AGTPBP1: variants seen among roughly 807,000 people sequenced by gnomAD.
The protein encoded by AGTPBP1 is ATP/GTP binding carboxypeptidase 1, also known as cytosolic carboxypeptidase 1.
A neutral mutation model predicts 143.9 loss-of-function variants in AGTPBP1; 70 were observed. The ratio of observed to expected loss-of-function variants is 0.49; its 90% CI spans 0.40 to 0.59. The LOEUF is 0.59. Ranked by LOEUF, AGTPBP1 falls within the 20% of genes least tolerant of loss-of-function variation. The pLI is 0.00. For synonymous variants in AGTPBP1, 463 were observed against 500.2 expected, an observed-to-expected ratio of 0.93 and a Z score of 0.99; for missense variants, 1,229 against 1,464.5, an observed-to-expected ratio of 0.84 and a Z score of 2.62.
intron 2 of AGTPBP1, among the ~76,000 whole-genome samples, chr9:85,693,635 T>C (rs1836028765): frequency 1.3e-5 from 2 of 152,044 alleles, no homozygotes; most frequent in Admixed American, 1.3e-4. Context: ...GGTACTGATC[T>C]AGGTGTTGTC....
rs933067997 is a variant in AGTPBP1 at position 85,677,579 on chromosome 9, C to G, written c.293G>C (p.Gly98Ala). The change falls in exon 6 of 26, where the codon GGA (glycine) becomes GCA (alanine). Residue 98 changes from glycine (G) to alanine (A), a missense_variant. Gly to Ala is a moderately conservative substitution (Grantham distance 60). Around this residue, in one of 2 missense-constraint regions of AGTPBP1, gnomAD observed 743 missense variants for 812.2 expected, o/e 0.91. Coordinates refer to ENST00000357081, the MANE Select transcript of AGTPBP1 (RefSeq NM_001330701.2). ...SILVELVSAG[G>A]GRRVSFLVTK... is the part of the protein sequence containing the mutation. ...GACTAAGAAACTCACTCTTCGACCT[C>G]CACCTAAAAATTAAAAAAAAAAAAA... The G allele has an allele frequency of 6.6e-7, 1 of 1,506,232 alleles. No individual in the cohort carries two copies. The highest frequency in any genetic ancestry group is 8.8e-7 in the Non-Finnish European group (1 of 1,133,924). The allele number at this position is 1,506,232 out of a possible 1,614,324, so 93.3% of individuals were successfully genotyped here.
the AGTPBP1 span, among the ~76,000 whole-genome samples, chr9:85,802,879 A>G: frequency 2.0e-4 from 30 of 152,300 alleles, no homozygotes; most frequent in African/African-American, 6.5e-4. Flanking sequence ...CTCAAAGTAA[A>G]CGCCTTGGCC....
At chr9:85,763,211 G>A in the AGTPBP1 span, among the ~76,000 whole-genome samples, 1 of 152,002 alleles carries the variant, frequency 6.6e-6, no homozygotes. Context: ...CATCAAGCCT[G>A]TCCAGAGAAA....
At chr9:85,557,881 A>G (rs1369255989) in intron 25 of AGTPBP1, among the ~76,000 whole-genome samples, 1 of 152,214 alleles carries the variant, frequency 6.6e-6, no homozygotes, top group Non-Finnish European at 1.5e-5. Context: ...TATTTTACCA[A>G]TATCTACCAC....
intron 17 of AGTPBP1, among the ~76,000 whole-genome samples, chr9:85,615,378 G>C (rs1194440495): frequency 1.3e-5 from 2 of 152,080 alleles, no homozygotes; most frequent in Non-Finnish European, 2.9e-5. Flanking sequence ...GGTATCTACT[G>C]CAAGACAGCT....
chr9:85,769,534 A>G, the AGTPBP1 span, among the ~76,000 whole-genome samples: 12 of 148,968 alleles, frequency 8.1e-5, no homozygotes, highest in South Asian at 4.2e-4. Flanking sequence ...AAAAAAAAAA[A>G]AAAAAAGAAA....
chr9:85,736,490 GC>G (rs888287198), intron 1 of AGTPBP1, among the ~76,000 whole-genome samples: 1 of 152,064 alleles, frequency 6.6e-6, no homozygotes, highest in Non-Finnish European at 1.5e-5. Context: ...ATCCTATAGT[GC>G]TAGAGAACAC....
chr9:85,755,738 G>A, the AGTPBP1 span, among the ~76,000 whole-genome samples: 2 of 152,198 alleles, frequency 1.3e-5, no homozygotes, highest in African/African-American at 4.8e-5. Context: ...TAAGTGCTGT[G>A]ATGGAACTGT....
At chr9:85,669,703 A>C (rs545252321) in intron 7 of AGTPBP1, 125 bp from the exon 8 acceptor site, 1 of 580,156 alleles carries the variant, frequency 1.7e-6, no homozygotes, top group Non-Finnish European at 3.1e-6. Context: ...AAGTCACCTT[A>C]AAGTCCATCT....
At position 85,657,548 on chromosome 9, in the gene AGTPBP1, T is replaced by A. The variant is rs748002753; in HGVS notation, c.796A>T (p.Met266Leu). The A allele has an allele frequency of 2.5e-6, 4 of 1,613,888 alleles. No individual in the cohort carries two copies. The highest frequency in any genetic ancestry group is 1.7e-5 in the Admixed American group (1 of 59,996). ...TGTAAAATTCCTTTCCGAATGAGCA[T>A]GTTTCTATGCCGGTTATCATGGCGG... The part of the protein sequence containing the change: ...WHRHDNRHRN[M>L]LIRKGILQSL... Residue 266 changes from methionine to leucine, a missense_variant, in exon 10 of 26, where the codon ATG (methionine) becomes TTG (leucine). Physicochemically the swap from Met to Leu is conservative, Grantham distance 15. Around this residue, in one of 2 missense-constraint regions of AGTPBP1, gnomAD observed 743 missense variants for 812.2 expected, o/e 0.91. Coordinates refer to ENST00000357081, the MANE Select transcript of AGTPBP1 (RefSeq NM_001330701.2).
chr9:85,768,711 A>G, the AGTPBP1 span, among the ~76,000 whole-genome samples: 1 of 152,134 alleles, frequency 6.6e-6, no homozygotes, highest in Non-Finnish European at 1.5e-5. Flanking sequence ...GCACAGAGAA[A>G]TAGAATGGCT....
chr9:85,676,652 A>G (rs1834848044), intron 6 of AGTPBP1, among the ~76,000 whole-genome samples: 1 of 152,204 alleles, frequency 6.6e-6, no homozygotes, highest in Non-Finnish European at 1.5e-5. Context: ...AACTAAAAAT[A>G]GAATTACCAG....
At chr9:85,786,380 C>A in the AGTPBP1 span, 2 of 1,614,088 alleles carry the variant, frequency 1.2e-6, no homozygotes, top group Non-Finnish European at 8.5e-7. Flanking sequence ...AAATCTCAGT[C>A]GACTGTCATC....
chr9:85,722,436 A>T (rs921187276), intron 1 of AGTPBP1, among the ~76,000 whole-genome samples: 7 of 152,068 alleles, frequency 4.6e-5, no homozygotes, highest in African/African-American at 1.7e-4. Flanking sequence ...TCAATCACTA[A>T]TATCCTTTCT....
At chr9:85,648,377 T>C (rs1832944737) in intron 11 of AGTPBP1, among the ~76,000 whole-genome samples, 1 of 152,144 alleles carries the variant, frequency 6.6e-6, no homozygotes, top group South Asian at 2.1e-4. Context: ...AATTCTTAGA[T>C]AGCAAAAAAT....
intron 23 of AGTPBP1, among the ~76,000 whole-genome samples, chr9:85,582,794 C>A (rs1828354798): frequency 6.6e-6 from 1 of 152,002 alleles, no homozygotes; most frequent in Non-Finnish European, 1.5e-5. Context: ...AGAAACATAG[C>A]ATTTATGTGT....
At chr9:85,712,609 T>C in intron 1 of AGTPBP1, 43 bp from the exon 2 acceptor site, 5 of 1,023,214 alleles carry the variant, frequency 4.9e-6, no homozygotes, top group Non-Finnish European at 7.0e-6. Context: ...TATAACTCTT[T>C]TTTCTATATA....
the AGTPBP1 span, chr9:85,785,627 T>C: frequency 2.8e-4 from 45 of 160,622 alleles, no homozygotes; most frequent in East Asian, 6.6e-3. Flanking sequence ...AGCAGAACCC[T>C]GCTATCATGC....
At chr9:85,612,150 T>A (rs11141034) in intron 17 of AGTPBP1, among the ~76,000 whole-genome samples, 53,336 of 151,942 alleles carry the variant, frequency 0.35, 10,308 homozygotes, top group Middle Eastern at 0.45. Flanking sequence ...AGCTTCTAAA[T>A]CTCTTAGAAC....
Sources: allele counts gnomAD v4.1 joint callset (sites outside exome capture counted in the v4.1 genomes callset), GRCh38; gene constraint gnomAD v4.1.1; regional missense constraint gnomAD v4.1.1; transcripts MANE v1.5; gene names NCBI Gene and HGNC (gene_info 2026-07-23, HGNC 2026-07-21).